WDR5: variants seen among roughly 807,000 people sequenced by gnomAD.
WDR5 encodes the protein WD repeat-containing protein 5.
For synonymous variants in WDR5, 144 were observed against 161.6 expected (o/e 0.89, Z 0.83); for missense variants, 187 against 416.9 (o/e 0.45, Z 4.80).
chr9:134,150,278 A>G lies in WDR5; in HGVS notation c.585-1705A>G, dbSNP rs140359792. Reference sequence around the variant, plus strand: ...TTCATTATTGGATAATGAAAGGATTATAACGTAAACATCAGGAAACCTATT... The same window carrying G: ...TTCATTATTGGATAATGAAAGGATTGTAACGTAAACATCAGGAAACCTATT... On this transcript the variant is annotated intron_variant, in intron 8 of 13. Coordinates refer to ENST00000358625, the MANE Select transcript of WDR5 (RefSeq NM_017588.3). Among the ~76,000 whole-genome samples, 55 of 152,364 alleles carry G rather than the reference A, an allele frequency of 3.6e-4. No individual in the cohort carries two copies. The East Asian group carries it at 9.6e-3, about 27-fold the overall frequency.
At chr9:134,143,915 A>G (rs1283248880) in intron 7 of WDR5, among the ~76,000 whole-genome samples, 1 of 152,126 alleles carries the variant, frequency 6.6e-6, no homozygotes, top group African/African-American at 2.4e-5. Context: ...GTGGCCAGAA[A>G]GTTCTTTTGT....
At position 134,154,224 on chromosome 9, in the gene WDR5, C is replaced by CA. The variant is rs1564196543; in HGVS notation, c.632-242_632-241insA. On this transcript the variant is annotated intron_variant, in intron 9 of 13. Coordinates refer to ENST00000358625, the MANE Select transcript of WDR5 (RefSeq NM_017588.3). ...CCTGGTGCCCCAGGAGGCCTGTATT[C>CA]GTAAAGTCCTGGTGTCAAGGGGCCC... 1.7e-3 allele frequency among the ~76,000 whole-genome samples: 256 copies of CA among 152,290 alleles called. 1 individual carries two copies. Among genetic ancestry groups the CA allele is most frequent in the African/African-American group, 5.7e-3 (235 of 41,552 alleles).
intron 8 of WDR5, among the ~76,000 whole-genome samples, chr9:134,150,099 G>T (rs1045779530): frequency 2.0e-5 from 3 of 152,200 alleles, no homozygotes; most frequent in African/African-American, 7.2e-5. Context: ...TTTGGTTTTA[G>T]CATGAGCTTG....
chr9:134,139,835 G>A lies in WDR5; in HGVS notation c.-43G>A, dbSNP rs1342429328. 13 of 1,608,368 alleles carry A rather than the reference G, an allele frequency of 8.1e-6. No homozygotes were observed. The highest frequency in any genetic ancestry group is 4.5e-5 in the East Asian group (2 of 44,814). ...CGCTCAACAGACTGCCTCTGTCACC[G>A]GGTCCCTCCACCCTTGTCTCCTGTG... On this transcript the variant is annotated 5_prime_UTR_variant, in exon 2 of 14. Coordinates refer to ENST00000358625, the MANE Select transcript of WDR5 (RefSeq NM_017588.3).
intron 1 of WDR5, among the ~76,000 whole-genome samples, chr9:134,136,486 C>T (rs1391258365): frequency 6.6e-6 from 1 of 152,154 alleles, no homozygotes; most frequent in Non-Finnish European, 1.5e-5. Context: ...GCACTGGGTC[C>T]TCTTTCCCGC....
chr9:134,141,394 C>A, intron 3 of WDR5, 116 bp from the exon 4 acceptor site: 1 of 957,710 alleles, frequency 1.0e-6, no homozygotes, highest in East Asian at 2.5e-5. Context: ...GGTTCTGAGC[C>A]ATGTGGTTCA....
At position 134,158,052 on chromosome 9, in the gene WDR5, C is replaced by T; in HGVS notation, c.*59C>T. The T allele has an allele frequency of 6.5e-7, 1 of 1,528,866 alleles. No homozygotes were observed. Among genetic ancestry groups the T allele is most frequent in the Admixed American group, 1.7e-5 (1 of 59,672 alleles). The allele number at this position is 1,528,866 out of a possible 1,614,324, so 94.7% of individuals were successfully genotyped here. On this transcript the variant is annotated 3_prime_UTR_variant, in exon 14 of 14. Coordinates refer to ENST00000358625, the MANE Select transcript of WDR5 (RefSeq NM_017588.3). ...GAAGTTGACCCGGATTGGCAAGAAA[C>T]AGGGTGTCTTGGAGGTGGTCCCCCA...
intron 7 of WDR5, among the ~76,000 whole-genome samples, chr9:134,143,620 G>A (rs550973916): frequency 6.6e-6 from 1 of 151,140 alleles, no homozygotes; most frequent in African/African-American, 2.4e-5. Context: ...TCCGCCTCCC[G>A]GGTTCATGCC....
rs1832881528 is a variant in WDR5 at position 134,159,081 on chromosome 9, T to A, written c.*1088T>A. ...TGCTAAGCGCGAGCCTCGCCGTCCC[T>A]GCTGGAGCCCTCGCCTGCCTGCCCC... is the stretch of plus-strand genomic sequence containing the variant. On this transcript the variant is annotated 3_prime_UTR_variant, in exon 14 of 14. Coordinates refer to ENST00000358625, the MANE Select transcript of WDR5 (RefSeq NM_017588.3). The surrounding 1 kb of genome is among the most constrained non-coding windows in gnomAD (Gnocchi z 4.3). 6.6e-6 allele frequency: 1 copy of A among 151,172 alleles called. No homozygotes were observed. Among genetic ancestry groups the A allele is most frequent in the African/African-American group, 2.5e-5 (1 of 40,112 alleles). 9.4% of individuals were successfully genotyped at this position (151,172 alleles called of 1,614,324 possible). A position where few individuals can be genotyped will look rare whatever the true frequency, so the allele number is the denominator to read the frequency against.
intron 13 of WDR5, among the ~76,000 whole-genome samples, 154 bp downstream of exon 13, chr9:134,156,747 T>C (rs1420610093): frequency 6.6e-6 from 1 of 152,166 alleles, no homozygotes; most frequent in Non-Finnish European, 1.5e-5. Flanking sequence ...TAAGAGCTCT[T>C]GCCCAAGGCA....
rs190852979 is a variant in WDR5, at chr9:134,137,472, C to T, written c.-59+1272C>T. Reference sequence around the variant, plus strand: ...CTGAGGCGGGCGGATTGCCTGAGGTCAGGAGTTCGAGACTAGCCTGGGCAA... The same window carrying T: ...CTGAGGCGGGCGGATTGCCTGAGGTTAGGAGTTCGAGACTAGCCTGGGCAA... On this transcript the variant is annotated intron_variant, in intron 1 of 13. Transcript: ENST00000358625. Among the ~76,000 whole-genome samples the T allele has an allele frequency of 8.8e-3, 1,339 of 152,052 alleles. 12 individuals are homozygous for T. Among genetic ancestry groups the T allele is most frequent in the Non-Finnish European group, 0.014 (966 of 67,992 alleles).
Position 134,155,327 on chromosome 9 carries a change from C to A in WDR5, c.708-13C>A. The A allele has an allele frequency of 6.3e-7, 1 of 1,595,352 alleles. No homozygotes were observed. The highest frequency in any genetic ancestry group is 8.5e-7 in the Non-Finnish European group (1 of 1,172,300). The stretch of plus-strand genomic sequence containing the variant: ...TCCAGACATGCCGCCTCACCCCTCT[C>A]TCTGTCTTGCAGCACTCTGAAGCTC... On this transcript the variant is annotated splice_polypyrimidine_tract_variant and intron_variant, in intron 10 of 13. Transcript: ENST00000358625.
chr9:134,139,289 A>G (rs915092022), intron 1 of WDR5, among the ~76,000 whole-genome samples: 1 of 152,192 alleles, frequency 6.6e-6, no homozygotes, highest in Non-Finnish European at 1.5e-5. Context: ...GCATGGAGGC[A>G]CTGGAGCCCC....
chr9:134,159,424 T>G lies in WDR5; in HGVS notation c.*1431T>G, dbSNP rs1020884300. 2 of 152,156 alleles carry G rather than the reference T, an allele frequency of 1.3e-5. No individual in the cohort carries two copies. The highest frequency in any genetic ancestry group is 4.8e-5 in the African/African-American group (2 of 41,354). 9.4% of individuals were successfully genotyped at this position (152,156 alleles called of 1,614,324 possible). ...TCAGGGCCTGGAGTCCTGGGGGAGCTCAGCCAGCTCTGCCTTTCTCAGGGC... is the reference window on the plus strand; with the variant it reads ...TCAGGGCCTGGAGTCCTGGGGGAGCGCAGCCAGCTCTGCCTTTCTCAGGGC... On this transcript the variant is annotated 3_prime_UTR_variant, in exon 14 of 14. Transcript: ENST00000358625. This position sits in a 1 kb window ranked among gnomAD's most constrained non-coding sequence, Gnocchi z 4.3.
At chr9:134,149,199 A>G (rs28634919) in intron 8 of WDR5, among the ~76,000 whole-genome samples, 3 of 152,134 alleles carry the variant, frequency 2.0e-5, no homozygotes, top group Non-Finnish European at 4.4e-5. Flanking sequence ...ATGACCCCCC[A>G]TCGGTCTTGA....
intron 3 of WDR5, 90 bp downstream of exon 3, chr9:134,140,901 A>G (rs1169485424): frequency 1.6e-6 from 2 of 1,266,600 alleles, no homozygotes; most frequent in Admixed American, 3.5e-5. Context: ...TTCCTCACCT[A>G]CCGCTGGGGA....
At chr9:134,141,005 C>T (rs1467234529) in intron 3 of WDR5, among the ~76,000 whole-genome samples, 194 bp downstream of exon 3, 1 of 152,082 alleles carries the variant, frequency 6.6e-6, no homozygotes, top group African/African-American at 2.4e-5. Flanking sequence ...CGTGGGGGGC[C>T]AGGCGTGGTG....
At chr9:134,137,667 C>CAAAAAAAA (rs139470012) in intron 1 of WDR5, among the ~76,000 whole-genome samples, 2 of 93,384 alleles carry the variant, frequency 2.1e-5, no homozygotes, top group South Asian at 4.4e-4. Context: ...GACTGTGTCT[C>CAAAAAAAA]AAAAAAAAAA....
intron 7 of WDR5, among the ~76,000 whole-genome samples, chr9:134,143,411 C>T (rs928969642): frequency 3.3e-5 from 5 of 152,268 alleles, no homozygotes; most frequent in South Asian, 2.1e-4. Context: ...CGTGGTGGCG[C>T]GTGCCTGGAA....
Sources: allele counts gnomAD v4.1 joint callset (sites outside exome capture counted in the v4.1 genomes callset), GRCh38; gene constraint gnomAD v4.1.1; non-coding constraint Gnocchi (gnomAD v3.1); transcripts MANE v1.5; gene names NCBI Gene and HGNC (gene_info 2026-07-23, HGNC 2026-07-21).